The following CEP85L variants were observed in gnomAD, a reference collection of about 807,000 sequenced individuals.
CEP85L encodes the protein centrosomal protein of 85 kDa-like.
Under a neutral mutation model 100.3 loss-of-function variants are expected in CEP85L, and 60 were observed. That is an observed-to-expected ratio of 0.60 (90% CI 0.49 to 0.74). The LOEUF is 0.74. Among genes scored for constraint, CEP85L ranks in the 30% least tolerant of loss-of-function variants. CEP85L has a pLI of 0.00. For missense variants in CEP85L, 973 were observed against 936.2 expected (o/e 1.04, Z -0.51); for synonymous variants, 319 against 322.7 (o/e 0.99, Z 0.12).
chr6:118,470,914 T>C (rs1772904495), intron 10 of CEP85L, among the ~76,000 whole-genome samples: 1 of 152,130 alleles, frequency 6.6e-6, no homozygotes, highest in Admixed American at 6.5e-5. Flanking sequence ...TTAATTTGTA[T>C]AAAACATGTC....
chr6:118,687,851 C>T (rs1197515566), intron 1 of CEP85L, among the ~76,000 whole-genome samples: 3 of 152,304 alleles, frequency 2.0e-5, no homozygotes, highest in South Asian at 4.1e-4. Flanking sequence ...GTGCCCATTG[C>T]CACTCCCAAT....
At chr6:118,626,335 C>A (rs1457768922) in intron 2 of CEP85L, among the ~76,000 whole-genome samples, 1 of 152,146 alleles carries the variant, frequency 6.6e-6, no homozygotes, top group Non-Finnish European at 1.5e-5. Context: ...TCCTCCCCTG[C>A]CAAAACCAGA....
intron 2 of CEP85L, among the ~76,000 whole-genome samples, chr6:118,569,968 C>T (rs1199712017): frequency 6.6e-6 from 1 of 152,100 alleles, no homozygotes; most frequent in East Asian, 1.9e-4. Flanking sequence ...GTAATGGGAA[C>T]ACAAACTGTT....
At chr6:118,504,430 A>G (rs1192020690) in intron 5 of CEP85L, among the ~76,000 whole-genome samples, 35 of 152,132 alleles carry the variant, frequency 2.3e-4, no homozygotes, top group Admixed American at 2.3e-3. Flanking sequence ...TTAAAAAAAA[A>G]TAATAATACT....
intron 12 of CEP85L, among the ~76,000 whole-genome samples, chr6:118,467,712 C>T (rs995970077): frequency 1.3e-5 from 2 of 152,140 alleles, no homozygotes; most frequent in South Asian, 2.1e-4. Flanking sequence ...GTGACCAACT[C>T]TAAAATCATG....
intron 1 of CEP85L, among the ~76,000 whole-genome samples, chr6:118,679,908 T>TA (rs886970293): frequency 1.3e-5 from 2 of 151,542 alleles, no homozygotes; most frequent in African/African-American, 2.4e-5. Context: ...ATATTTCTAA[T>TA]AAAAAAGTAG....
At chr6:118,559,161 T>C in intron 3 of CEP85L, 2 of 1,021,268 alleles carry the variant, frequency 2.0e-6, no homozygotes, top group Non-Finnish European at 3.1e-6. Context: ...AAAACAATAT[T>C]GTATAACAGA....
At chr6:118,605,807 TC>T (rs1249048153) in intron 2 of CEP85L, among the ~76,000 whole-genome samples, 1 of 151,974 alleles carries the variant, frequency 6.6e-6, no homozygotes. Flanking sequence ...GGTCAGGAGA[TC>T]GAGGCCATCC....
At chr6:118,492,365 A>G (rs967366594) in intron 5 of CEP85L, among the ~76,000 whole-genome samples, 2 of 152,274 alleles carry the variant, frequency 1.3e-5, no homozygotes, top group Non-Finnish European at 2.9e-5. Flanking sequence ...AAGATCCATG[A>G]ATCGGGGATT....
intron 3 of CEP85L, among the ~76,000 whole-genome samples, chr6:118,550,143 C>G (rs556386982): frequency 4.5e-4 from 68 of 151,944 alleles, no homozygotes; most frequent in Admixed American, 7.2e-4. Flanking sequence ...AGAGTACTTG[C>G]TTTACTAAAA....
intron 6 of CEP85L, among the ~76,000 whole-genome samples, chr6:118,486,794 T>C (rs1354424347): frequency 2.0e-5 from 3 of 152,176 alleles, no homozygotes; most frequent in Non-Finnish European, 2.9e-5. Context: ...TTTGCATCTG[T>C]TACCAACCCT....
At position 118,626,022 on chromosome 6, in the gene CEP85L, C is replaced by T. The variant is rs191363117; in HGVS notation, c.232+6431G>A. 1.9e-3 allele frequency among the ~76,000 whole-genome samples: 292 copies of T among 152,232 alleles called. 5 individuals are homozygous for T. The highest frequency in any genetic ancestry group is 9.1e-3 in the East Asian group (47 of 5,170). On this transcript the variant is annotated intron_variant, in intron 2 of 12. Coordinates refer to ENST00000368491, the MANE Select transcript of CEP85L (RefSeq NM_001042475.3). ...CAATACAACAGCAGGGCCCCATCGTCGCCCCTAACCAGCAGGAAGTAGCTA... is the reference window on the plus strand; with the variant it reads ...CAATACAACAGCAGGGCCCCATCGTTGCCCCTAACCAGCAGGAAGTAGCTA...
At chr6:118,489,271 C>CAAAAA (rs371393488) in intron 6 of CEP85L, among the ~76,000 whole-genome samples, 1 of 127,376 alleles carries the variant, frequency 7.9e-6, no homozygotes, top group African/African-American at 3.0e-5. Flanking sequence ...AGCTCTGTCT[C>CAAAAA]AAAAAAAAAA....
intron 3 of CEP85L, among the ~76,000 whole-genome samples, chr6:118,540,636 A>G (rs1777855480): frequency 1.3e-5 from 2 of 152,042 alleles, no homozygotes; most frequent in South Asian, 4.1e-4. Context: ...GCACACCTGT[A>G]GTCCCAGCTA....
chr6:118,566,011 T>C lies in CEP85L; in HGVS notation c.538A>G (p.Arg180Gly). ...QGGTVCREES[R>G]NGLEKIGKAK... ...TTCCCTATCTTCTCCAAACCATTCC[T>C]TGACTCTTCTCTGCATACAGTGCCA... The change falls in exon 3 of 13, where the codon AGG becomes GGG. Residue 180 changes from arginine to glycine, a missense_variant. Coordinates refer to ENST00000368491, the MANE Select transcript of CEP85L (RefSeq NM_001042475.3). 1 of 1,614,228 alleles carries C rather than the reference T, an allele frequency of 6.2e-7. No homozygotes were observed. Among genetic ancestry groups the C allele is most frequent in the African/African-American group, 1.3e-5 (1 of 75,062 alleles).
chr6:118,578,201 T>C (rs1780353581), intron 2 of CEP85L, among the ~76,000 whole-genome samples: 1 of 152,162 alleles, frequency 6.6e-6, no homozygotes, highest in Non-Finnish European at 1.5e-5. Context: ...GCAAACCTCT[T>C]ACTCCGTAAA....
chr6:118,557,019 T>C (rs1175173062), intron 3 of CEP85L, among the ~76,000 whole-genome samples: 2 of 152,166 alleles, frequency 1.3e-5, no homozygotes, highest in Non-Finnish European at 2.9e-5. Flanking sequence ...TAAGTAGAAG[T>C]CTGTAAATAG....
chr6:118,632,330 C>T (rs1774219074), intron 2 of CEP85L, 123 bp downstream of exon 2: 1 of 805,554 alleles, frequency 1.2e-6, no homozygotes, highest in Non-Finnish European at 1.9e-6. Flanking sequence ...CAACACTGAA[C>T]ATTATTAAAT....
intron 4 of CEP85L, among the ~76,000 whole-genome samples, chr6:118,519,166 A>C (rs901577468): frequency 6.6e-6 from 1 of 151,836 alleles, no homozygotes; most frequent in African/African-American, 2.4e-5. Flanking sequence ...AGTTAGGGGG[A>C]AAAAAAGGGC....
Sources: gnomAD v4.1 joint callset for allele counts (sites outside exome capture counted in the v4.1 genomes callset) on GRCh38, gnomAD v4.1.1 for gene constraint, MANE v1.5 for transcripts, NCBI Gene and HGNC (gene_info 2026-07-23, HGNC 2026-07-21) for gene names.